Variants in CNOT4 observed in about 807,000 individuals in gnomAD.
CNOT4 encodes CCR4-NOT transcription complex subunit 4.
CNOT4 carries 8 observed loss-of-function variants against 73.8 expected under a neutral mutation model. The observed-to-expected ratio is 0.11, with a 90% confidence interval of 0.06 to 0.20. The LOEUF is 0.20. CNOT4 is among the 10% of genes least tolerant of loss of function. The pLI is 1.00. For synonymous variants in CNOT4, 293 were observed against 321.1 expected, an observed-to-expected ratio of 0.91 and a Z score of 0.94; for missense variants, 564 against 883.4, an observed-to-expected ratio of 0.64 and a Z score of 4.58.
Position 135,362,590 on chromosome 7 carries a change from A to T in CNOT4, c.*295T>A. 1.9e-6 allele frequency: 1 copy of T among 518,554 alleles called. No individual in the cohort carries two copies. The highest frequency in any genetic ancestry group is 3.5e-6 in the Non-Finnish European group (1 of 287,220). The allele number at this position is 518,554 out of a possible 1,614,324, so 32.1% of individuals were successfully genotyped here. On this transcript the variant is annotated 3_prime_UTR_variant, in exon 12 of 12. Transcript: ENST00000541284. ...TATTATGCGCAACAGACAAACAATA[A>T]TTTTCTAAGTATTGAGACTGCCCTT...
At chr7:135,415,410 G>T in intron 3 of CNOT4, 148 bp from the exon 4 acceptor site, 1 of 556,780 alleles carries the variant, frequency 1.8e-6, no homozygotes, top group East Asian at 3.1e-5. Context: ...CCTAATTGCA[G>T]TTTGTGTAGC....
chr7:135,391,535 A>G (rs1466434861), intron 10 of CNOT4, among the ~76,000 whole-genome samples: 1 of 150,458 alleles, frequency 6.6e-6, no homozygotes, highest in Non-Finnish European at 1.5e-5. Context: ...AGCATCTCTG[A>G]AAAAAAAAGG....
At chr7:135,449,415 C>T (rs1241722380) in intron 1 of CNOT4, among the ~76,000 whole-genome samples, 5 of 152,152 alleles carry the variant, frequency 3.3e-5, no homozygotes, top group Non-Finnish European at 2.9e-5. Flanking sequence ...GAGACACTAG[C>T]TGCAAATTTC....
intron 1 of CNOT4, among the ~76,000 whole-genome samples, chr7:135,508,532 T>G (rs1395624150): frequency 1.3e-5 from 2 of 152,224 alleles, no homozygotes; most frequent in African/African-American, 4.8e-5. Flanking sequence ...ACATAACTAA[T>G]GGATTTTCAA....
intron 10 of CNOT4, among the ~76,000 whole-genome samples, chr7:135,381,257 T>C (rs1333097635): frequency 6.6e-6 from 1 of 152,146 alleles, no homozygotes; most frequent in Non-Finnish European, 1.5e-5. Flanking sequence ...TAACTGAAAA[T>C]TGCTTTATAT....
At chr7:135,420,269 C>A (rs546413497) in intron 3 of CNOT4, among the ~76,000 whole-genome samples, 1 of 151,950 alleles carries the variant, frequency 6.6e-6, no homozygotes, top group African/African-American at 2.4e-5. Context: ...TGGAACTGCA[C>A]GTCAGAAACG....
chr7:135,409,328 A>G (rs560712768), intron 7 of CNOT4, among the ~76,000 whole-genome samples: 36 of 152,278 alleles, frequency 2.4e-4, no homozygotes, highest in Middle Eastern at 3.4e-3. Flanking sequence ...ATCTGTTTTG[A>G]CTTAGCTTTT....
At chr7:135,425,081 A>G (rs1459044787) in intron 2 of CNOT4, among the ~76,000 whole-genome samples, 2 of 152,250 alleles carry the variant, frequency 1.3e-5, no homozygotes, top group African/African-American at 4.8e-5. Context: ...TTTTCAATGT[A>G]GTCGAACATA....
chr7:135,406,100 A>G (rs915029536), intron 7 of CNOT4, among the ~76,000 whole-genome samples: 1 of 152,032 alleles, frequency 6.6e-6, no homozygotes, highest in African/African-American at 2.4e-5. Context: ...TTCCTGTGAG[A>G]AATCTTATCT....
chr7:135,470,450 T>A (rs1198614618), intron 1 of CNOT4, among the ~76,000 whole-genome samples: 1 of 151,728 alleles, frequency 6.6e-6, no homozygotes, highest in Non-Finnish European at 1.5e-5. Context: ...GCAGTTTTAT[T>A]CATAATAGCC....
At chr7:135,504,475 T>TCACCATG (rs1254250435) in intron 1 of CNOT4, among the ~76,000 whole-genome samples, 28 of 69,406 alleles carry the variant, frequency 4.0e-4, no homozygotes, top group African/African-American at 8.1e-4. Context: ...TTTTTTTTTT[T>TCACCATG]TTTTTTTTTT....
At chr7:135,424,393 C>T (rs886567745) in intron 2 of CNOT4, among the ~76,000 whole-genome samples, 1 of 152,086 alleles carries the variant, frequency 6.6e-6, no homozygotes, top group African/African-American at 2.4e-5. Flanking sequence ...AATTAAAACA[C>T]TTTTCTATAA....
At chr7:135,482,009 T>C (rs1802410373) in intron 1 of CNOT4, among the ~76,000 whole-genome samples, 1 of 152,220 alleles carries the variant, frequency 6.6e-6, no homozygotes, top group South Asian at 2.1e-4. Context: ...AAATAACTTC[T>C]AATGTTCAAT....
rs1014520340 is a variant in CNOT4 at position 135,422,036 on chromosome 7, T to C, written c.372+120A>G. 4.0e-5 allele frequency: 25 copies of C among 627,666 alleles called. 2 individuals are homozygous for C. The highest frequency in any genetic ancestry group is 2.9e-4 in the South Asian group (14 of 47,470). The allele number at this position is 627,666 out of a possible 1,614,324, so 38.9% of individuals were successfully genotyped here. ...ATTATTCAAAAGTAATTTCTTATTT[T>C]CTCCTTCAAGATATAATGTGTTCAG... On this transcript the variant is annotated intron_variant, in intron 3 of 11. Coordinates refer to ENST00000541284, the MANE Select transcript of CNOT4 (RefSeq NM_001190850.2).
At chr7:135,421,919 T>A (rs1019350245) in intron 3 of CNOT4, among the ~76,000 whole-genome samples, 4 of 152,206 alleles carry the variant, frequency 2.6e-5, no homozygotes, top group African/African-American at 9.6e-5. Flanking sequence ...AGAAATCTAG[T>A]TCAACTCCTT....
chr7:135,380,099 G>A (rs985010251), intron 10 of CNOT4, among the ~76,000 whole-genome samples: 1 of 150,866 alleles, frequency 6.6e-6, no homozygotes, highest in African/African-American at 2.4e-5. Flanking sequence ...TCCTTATGCT[G>A]AAAACAACAA....
At chr7:135,469,767 A>G (rs75135901) in intron 1 of CNOT4, among the ~76,000 whole-genome samples, 3,384 of 152,242 alleles carry the variant, frequency 0.022, 124 homozygotes, top group African/African-American at 0.07. Flanking sequence ...AAGGGCTTAT[A>G]CATAAATGTT....
At position 135,464,696 on chromosome 7, in the gene CNOT4, T is replaced by C. The variant is rs142308773; in HGVS notation, c.-92-26273A>G. Among the ~76,000 whole-genome samples, 24 of 152,088 alleles carry C rather than the reference T, an allele frequency of 1.6e-4. No individual in the cohort carries two copies. The East Asian group carries it at 4.4e-3, about 28-fold the overall frequency. Reference sequence around the variant, plus strand: ...TTAAAAAAACTGTGATAACCTACAATAGGAATAAAATACAATGCTAATCAA... The same window carrying C: ...TTAAAAAAACTGTGATAACCTACAACAGGAATAAAATACAATGCTAATCAA... On this transcript the variant is annotated intron_variant, in intron 1 of 11. Coordinates refer to ENST00000541284, the MANE Select transcript of CNOT4 (RefSeq NM_001190850.2).
intron 1 of CNOT4, among the ~76,000 whole-genome samples, chr7:135,443,268 T>C (rs1799602042): frequency 6.6e-6 from 1 of 151,134 alleles, no homozygotes; most frequent in African/African-American, 2.4e-5. Context: ...GGTGGGAAGA[T>C]TGCTGGAGTC....
Sources: gnomAD v4.1 joint callset for allele counts (sites outside exome capture counted in the v4.1 genomes callset) on GRCh38, gnomAD v4.1.1 for gene constraint, MANE v1.5 for transcripts, NCBI Gene and HGNC (gene_info 2026-07-23, HGNC 2026-07-21) for gene names.